The following SLC20A2 variants were observed in gnomAD, a reference collection of about 807,000 sequenced individuals.
The protein encoded by SLC20A2 is solute carrier family 20 member 2, also known as sodium-dependent phosphate transporter 2.
Under a neutral mutation model 61.0 loss-of-function variants are expected in SLC20A2, and 30 were observed. The observed-to-expected ratio is 0.49, with a 90% CI of 0.37 to 0.67. The LOEUF (loss-of-function observed/expected upper bound fraction) is 0.67, where lower values mean the gene tolerates loss of function less well. Among genes scored for constraint, SLC20A2 ranks in the 30% least tolerant of loss-of-function variants. The pLI, the probability that SLC20A2 is intolerant of heterozygous loss-of-function variation, is 0.00. For synonymous variants in SLC20A2, 351 were observed against 353.3 expected, an observed-to-expected ratio of 0.99 and a Z score of 0.07; for missense variants, 626 against 866.4, an observed-to-expected ratio of 0.72 and a Z score of 3.48.
chr8:42,447,044 A>G (rs928505114), intron 5 of SLC20A2, among the ~76,000 whole-genome samples: 1 of 152,206 alleles, frequency 6.6e-6, no homozygotes, highest in Non-Finnish European at 1.5e-5. Flanking sequence ...AAAGTTACTC[A>G]GCTGAGGTAC....
intron 1 of SLC20A2, among the ~76,000 whole-genome samples, chr8:42,486,051 T>C (rs1441297682): frequency 6.6e-6 from 1 of 152,178 alleles, no homozygotes; most frequent in Non-Finnish European, 1.5e-5. Flanking sequence ...CTCTTTCATA[T>C]TTTAAATTAG....
intron 1 of SLC20A2, among the ~76,000 whole-genome samples, chr8:42,480,796 A>C (rs1808500284): frequency 6.6e-6 from 1 of 152,108 alleles, no homozygotes; most frequent in South Asian, 2.1e-4. Flanking sequence ...AGTAGCTCAG[A>C]CTACAGGCAC....
chr8:42,458,168 A>C (rs1185091092), intron 5 of SLC20A2, among the ~76,000 whole-genome samples: 1 of 152,210 alleles, frequency 6.6e-6, no homozygotes, highest in Non-Finnish European at 1.5e-5. Flanking sequence ...CAGATCCCAC[A>C]GTCTGGCTGT....
chr8:42,528,788 T>C (rs1466925374), intron 1 of SLC20A2, among the ~76,000 whole-genome samples: 1 of 151,940 alleles, frequency 6.6e-6, no homozygotes, highest in Admixed American at 6.6e-5. Context: ...TGCCTCAGCC[T>C]CCCGAGTAGC....
At chr8:42,441,875 G>A (rs1364700571) in intron 6 of SLC20A2, among the ~76,000 whole-genome samples, 4 of 151,462 alleles carry the variant, frequency 2.6e-5, no homozygotes, top group Non-Finnish European at 5.9e-5. Flanking sequence ...TTCCCATTCT[G>A]TTCCCGGTGC....
intron 4 of SLC20A2, 92 bp from the exon 5 acceptor site, chr8:42,460,084 G>C: frequency 1.4e-6 from 1 of 732,970 alleles, no homozygotes; most frequent in Non-Finnish European, 2.4e-6. Flanking sequence ...ACTGTTACAA[G>C]AAACTCTTCC....
At chr8:42,517,002 C>G (rs1377816669) in intron 1 of SLC20A2, among the ~76,000 whole-genome samples, 1 of 152,294 alleles carries the variant, frequency 6.6e-6, no homozygotes, top group East Asian at 1.9e-4. Flanking sequence ...CACCACCCCC[C>G]AAGCATTTCT....
chr8:42,433,131 T>G (rs1451822775), intron 8 of SLC20A2, among the ~76,000 whole-genome samples: 2 of 152,208 alleles, frequency 1.3e-5, no homozygotes, highest in Non-Finnish European at 2.9e-5. Flanking sequence ...TTATTTATAG[T>G]TCAGCAGTGT....
chr8:42,498,272 G>T (rs1486858254), intron 1 of SLC20A2, among the ~76,000 whole-genome samples: 3 of 152,124 alleles, frequency 2.0e-5, no homozygotes, highest in African/African-American at 7.2e-5. Flanking sequence ...AGGCTTCTGG[G>T]GTCAGTCTTG....
At chr8:42,439,316 G>A (rs1188221511) in intron 7 of SLC20A2, 134 bp downstream of exon 7, 2 of 814,530 alleles carry the variant, frequency 2.5e-6, no homozygotes, top group Non-Finnish European at 1.9e-6. Context: ...TAGCTTCTGG[G>A]TTTTCTCAAA....
In SLC20A2 at chr8:42,472,055, G is replaced by A. The variant is rs747530217; in HGVS notation, c.289+47C>T. ...TATGGGCAAAGTACTGCAGGGAAGC[G>A]GGTCAGTGGGCGGATGTCCCATCGG... On this transcript the variant is annotated intron_variant, in intron 2 of 10. Transcript: ENST00000520262. The surrounding 1 kb of genome is among the most constrained non-coding windows in gnomAD (Gnocchi z 4.1). 32 of 1,553,768 alleles carry A rather than the reference G, an allele frequency of 2.1e-5. No individual in the cohort carries two copies. Among genetic ancestry groups the A allele is most frequent in the South Asian group, 1.6e-4 (14 of 88,416 alleles).
intron 5 of SLC20A2, among the ~76,000 whole-genome samples, chr8:42,447,585 G>A (rs2131072206): frequency 6.6e-6 from 1 of 152,140 alleles, no homozygotes; most frequent in Middle Eastern, 3.4e-3. Context: ...GGCTGAGGCA[G>A]GAGAATGGCA....
intron 1 of SLC20A2, among the ~76,000 whole-genome samples, chr8:42,511,404 G>A (rs893085775): frequency 2.6e-5 from 4 of 152,062 alleles, no homozygotes; most frequent in African/African-American, 4.8e-5. Context: ...CAAGGCAGGC[G>A]GATCACGAGG....
At position 42,464,738 on chromosome 8, in the gene SLC20A2, C is replaced by T. The variant is rs956432591; in HGVS notation, c.430+1039G>A. The stretch of plus-strand genomic sequence containing the variant: ...CTGTAATCCTGGCACTTTTGCAGCC[C>T]GAGGCAGGTGGATTGACTGAGCTCA... On this transcript the variant is annotated intron_variant, in intron 3 of 10. Coordinates refer to ENST00000520262, the MANE Select transcript of SLC20A2 (RefSeq NM_001257180.2). 5.3e-5 allele frequency among the ~76,000 whole-genome samples: 8 copies of T among 152,134 alleles called. No individual in the cohort carries two copies. In the East Asian group the frequency reaches 5.8e-4, roughly 11 times the overall value.
chr8:42,472,091 A>G lies in SLC20A2; in HGVS notation c.289+11T>C. 1 of 1,611,632 alleles carries G rather than the reference A, an allele frequency of 6.2e-7. No individual in the cohort carries two copies. Among genetic ancestry groups the G allele is most frequent in the Non-Finnish European group, 8.5e-7 (1 of 1,179,250 alleles). ...CGGATGTCCCATCGGTATAGAGAAG[A>G]GGCTACTCACCAACCATGGCACTAA... On this transcript the variant is annotated intron_variant, in intron 2 of 10. Coordinates refer to ENST00000520262, the MANE Select transcript of SLC20A2 (RefSeq NM_001257180.2). This position sits in a 1 kb window ranked among gnomAD's most constrained non-coding sequence, Gnocchi z 4.1.
intron 1 of SLC20A2, among the ~76,000 whole-genome samples, chr8:42,527,764 G>A (rs372245740): frequency 1.2e-4 from 18 of 151,146 alleles, no homozygotes; most frequent in Admixed American, 4.0e-4. Context: ...GCGAAACTCC[G>A]TCTCAAAAAA....
At chr8:42,441,140 C>T (rs1262417996) in intron 6 of SLC20A2, among the ~76,000 whole-genome samples, 1 of 144,198 alleles carries the variant, frequency 6.9e-6, no homozygotes, top group African/African-American at 2.7e-5. Context: ...AAATATTTTG[C>T]TCTTTTTTTT....
intron 1 of SLC20A2, chr8:42,535,335 C>T (rs1563557347): frequency 6.6e-6 from 1 of 151,336 alleles, no homozygotes; most frequent in African/African-American, 2.4e-5. Context: ...CAAGGAGATG[C>T]CTTTAAAAAA....
chr8:42,449,180 T>C (rs547927191), intron 5 of SLC20A2, among the ~76,000 whole-genome samples: 1 of 152,262 alleles, frequency 6.6e-6, no homozygotes, highest in Admixed American at 6.5e-5. Context: ...GACATGGCCG[T>C]CATTTCCCCC....
Sources: allele counts gnomAD v4.1 joint callset (sites outside exome capture counted in the v4.1 genomes callset), GRCh38; gene constraint gnomAD v4.1.1; non-coding constraint Gnocchi (gnomAD v3.1); transcripts MANE v1.5; gene names NCBI Gene and HGNC (gene_info 2026-07-23, HGNC 2026-07-21).